SMG6: variants seen among roughly 807,000 people sequenced by gnomAD.
SMG6 encodes the protein SMG6 nonsense mediated mRNA decay factor.
A neutral mutation model predicts 142.2 loss-of-function variants in SMG6; 66 were observed. That is an observed-to-expected ratio of 0.46 (90% CI 0.38 to 0.57). The LOEUF (loss-of-function observed/expected upper bound fraction) is 0.57. Among genes scored for constraint, SMG6 ranks in the 20% least tolerant of loss-of-function variants. The probability of loss-of-function intolerance (pLI) is 0.00; values close to 1 mark genes in which losing one functional copy is unlikely to be tolerated. For missense variants in SMG6, 1,793 were observed against 1,832.0 expected, an observed-to-expected ratio of 0.98 and a Z score of 0.39; for synonymous variants, 779 against 702.4, an observed-to-expected ratio of 1.11 and a Z score of -1.72.
chr17:2,114,959 T>TATAAAATAAA (rs1491429098), intron 13 of SMG6, among the ~76,000 whole-genome samples: 71 of 73,240 alleles, frequency 9.7e-4, no homozygotes, highest in Non-Finnish European at 1.6e-3. Flanking sequence ...AATAAAAAAA[T>TATAAAATAAA]GAAATGAAAT....
chr17:2,155,054 A>AT (rs1415828606), intron 13 of SMG6, among the ~76,000 whole-genome samples: 2 of 122,736 alleles, frequency 1.6e-5, no homozygotes, highest in African/African-American at 3.5e-5. Flanking sequence ...TGAGAAAAAA[A>AT]ATTTTTTTTT....
At chr17:2,247,976 C>T (rs949362301) in intron 8 of SMG6, among the ~76,000 whole-genome samples, 5 of 151,014 alleles carry the variant, frequency 3.3e-5, no homozygotes, top group Admixed American at 6.6e-5. Flanking sequence ...CGTGGTGGCA[C>T]GCACCTGTAG....
At chr17:2,075,918 T>C (rs2068245021) in intron 15 of SMG6, among the ~76,000 whole-genome samples, 1 of 152,140 alleles carries the variant, frequency 6.6e-6, no homozygotes, top group African/African-American at 2.4e-5. Context: ...ACACCCCTTT[T>C]CTGACCTCCA....
chr17:2,169,652 T>A (rs960842357), intron 13 of SMG6, among the ~76,000 whole-genome samples: 1 of 152,114 alleles, frequency 6.6e-6, no homozygotes, highest in African/African-American at 2.4e-5. Context: ...TCAATGTGAC[T>A]AGAGCACACT....
chr17:2,066,272 C>A (rs552576581), intron 16 of SMG6, among the ~76,000 whole-genome samples: 42 of 151,360 alleles, frequency 2.8e-4, no homozygotes, highest in Non-Finnish European at 1.9e-4. Flanking sequence ...ACGTGTATGT[C>A]TGTGTGCGTG....
chr17:2,300,871 G>A (rs1276796554), intron 1 of SMG6, among the ~76,000 whole-genome samples: 1 of 152,190 alleles, frequency 6.6e-6, no homozygotes, highest in Non-Finnish European at 1.5e-5. Flanking sequence ...CAATTCACAA[G>A]GCTAAGGACC....
intron 6 of SMG6, among the ~76,000 whole-genome samples, chr17:2,291,584 A>G (rs1220782756): frequency 6.6e-6 from 1 of 152,112 alleles, no homozygotes; most frequent in African/African-American, 2.4e-5. Flanking sequence ...AGTAAACCAC[A>G]TTACTTAATC....
At position 2,186,679 on chromosome 17, in the gene SMG6, G is replaced by A; in HGVS notation, c.3139C>T (p.Leu1047=). The part of the protein sequence containing the change: ...PDTWNPPPTS[L]DLPSHVAVDV... Reference sequence around the variant, plus strand: ...TCAACTCACTGCGAGGGCAGATCCAGGGATGTGGGAGGAGGATTCCAGGTG... The same window carrying A: ...TCAACTCACTGCGAGGGCAGATCCAAGGATGTGGGAGGAGGATTCCAGGTG... Residue 1047 remains leucine (L), a synonymous_variant, in exon 12 of 19, where the codon CTG becomes TTG. Transcript: ENST00000263073. 1 of 1,614,250 alleles carries A rather than the reference G, an allele frequency of 6.2e-7. No individual in the cohort carries two copies. Among genetic ancestry groups the A allele is most frequent in the Non-Finnish European group, 8.5e-7 (1 of 1,180,046 alleles).
At chr17:2,241,159 G>A (rs1338914455) in intron 9 of SMG6, among the ~76,000 whole-genome samples, 1 of 152,132 alleles carries the variant, frequency 6.6e-6, no homozygotes, top group East Asian at 1.9e-4. Flanking sequence ...TTCTTAGGAA[G>A]GTGAAATTGG....
At chr17:2,290,736 A>C (rs1347996006) in intron 6 of SMG6, among the ~76,000 whole-genome samples, 1 of 152,232 alleles carries the variant, frequency 6.6e-6, no homozygotes, top group Non-Finnish European at 1.5e-5. Flanking sequence ...AAAATATATA[A>C]AGAACTCTTA....
At chr17:2,154,340 C>G (rs566387067) in intron 13 of SMG6, among the ~76,000 whole-genome samples, 2 of 125,488 alleles carry the variant, frequency 1.6e-5, no homozygotes, top group Admixed American at 8.2e-5. Context: ...GTGACGGTGA[C>G]GGGGGGGAAT....
intron 13 of SMG6, among the ~76,000 whole-genome samples, chr17:2,104,463 T>C (rs373330536): frequency 6.6e-6 from 1 of 151,766 alleles, no homozygotes; most frequent in Non-Finnish European, 1.5e-5. Context: ...TGACAATGCA[T>C]ACTGAACAAA....
At chr17:2,096,743 G>C (rs2068866211) in intron 13 of SMG6, among the ~76,000 whole-genome samples, 1 of 149,650 alleles carries the variant, frequency 6.7e-6, no homozygotes, top group Non-Finnish European at 1.5e-5. Flanking sequence ...GGGACTGCTA[G>C]ACATCCTGGG....
At chr17:2,174,853 C>T (rs564540537) in intron 12 of SMG6, among the ~76,000 whole-genome samples, 45 of 152,248 alleles carry the variant, frequency 3.0e-4, no homozygotes, top group Middle Eastern at 3.4e-3. Flanking sequence ...TAATGGGAAA[C>T]GCGGCATTCA....
chr17:2,267,329 G>A (rs532059191), intron 8 of SMG6, among the ~76,000 whole-genome samples: 9 of 151,658 alleles, frequency 5.9e-5, no homozygotes, highest in South Asian at 2.1e-4. Context: ...TCAGGCTCCC[G>A]AGTAACTAGG....
intron 5 of SMG6, 104 bp from the exon 6 acceptor site, chr17:2,292,734 T>G: frequency 6.7e-7 from 1 of 1,485,730 alleles, no homozygotes. Flanking sequence ...GTGTTAGATG[T>G]AACCCTGGAG....
chr17:2,099,670 A>C (rs2068952783), intron 13 of SMG6, among the ~76,000 whole-genome samples: 1 of 152,110 alleles, frequency 6.6e-6, no homozygotes, highest in Admixed American at 6.5e-5. Flanking sequence ...GAGACAAGAG[A>C]AGCTTTGTTA....
rs761493678 is a variant in SMG6, at chr17:2,236,553, A to G, written c.2808T>C (p.Ser936=). The part of the protein sequence containing the change: ...LLQHSPSPIG[S]TRMLQLMTIN... ...TGGTCATAAGCTGCAGCATGCGGGT[A>G]CTTCCAATGGGAGAGGGGCTGTGCT... Residue 936 remains serine (S), a synonymous_variant, in exon 10 of 19, where the codon AGT becomes AGC. Coordinates refer to ENST00000263073, the MANE Select transcript of SMG6 (RefSeq NM_017575.5). The G allele has an allele frequency of 1.2e-6, 2 of 1,613,664 alleles. No homozygotes were observed. Among genetic ancestry groups the G allele is most frequent in the East Asian group, 2.2e-5 (1 of 44,860 alleles).
In SMG6 at chr17:2,061,582, C is replaced by G. The variant is rs144129895; in HGVS notation, c.4170G>C (p.Thr1390=). ...IRLLREVVLL[T]DDRNLRVKAL... ...CCTTCACACGCAGGTTCCGGTCATCCGTCAACAGCACCACCTCCCGCAGTA... is the reference window on the plus strand; with the variant it reads ...CCTTCACACGCAGGTTCCGGTCATCGGTCAACAGCACCACCTCCCGCAGTA... The change falls in exon 19 of 19, where the codon ACG becomes ACC. Residue 1390 remains threonine (T), a synonymous_variant. Coordinates refer to ENST00000263073, the MANE Select transcript of SMG6 (RefSeq NM_017575.5). 6.4e-7 allele frequency: 1 copy of G among 1,572,508 alleles called. No individual in the cohort carries two copies. The highest frequency in any genetic ancestry group is 8.6e-7 in the Non-Finnish European group (1 of 1,158,694).
Sources: allele counts gnomAD v4.1 joint callset (sites outside exome capture counted in the v4.1 genomes callset), GRCh38; gene constraint gnomAD v4.1.1; transcripts MANE v1.5; gene names NCBI Gene and HGNC (gene_info 2026-07-23, HGNC 2026-07-21).